TRIB1: variants seen among roughly 807,000 people sequenced by gnomAD.
TRIB1 encodes the protein tribbles pseudokinase 1, also known as tribbles homolog 1.
TRIB1 carries 12 observed loss-of-function variants against 27.8 expected under a neutral mutation model. The ratio of observed to expected loss-of-function variants is 0.43; its 90% CI spans 0.28 to 0.70. The LOEUF is 0.70. Ranked by LOEUF, TRIB1 falls within the 30% of genes least tolerant of loss-of-function variation. The pLI, the probability that TRIB1 is intolerant of heterozygous loss-of-function variation, is 0.18. For missense variants in TRIB1, 475 were observed against 515.8 expected, an observed-to-expected ratio of 0.92 and a Z score of 0.77; for synonymous variants, 230 against 224.9, an observed-to-expected ratio of 1.02 and a Z score of -0.20.
rs1814758108 is a variant in TRIB1, at chr8:125,436,708, ATC to A, written c.*241_*242del. 1.7e-6 allele frequency: 1 copy of A among 574,382 alleles called. No homozygotes were observed. Among genetic ancestry groups the A allele is most frequent in the Admixed American group, 3.1e-5 (1 of 31,898 alleles). 35.6% of individuals were successfully genotyped at this position (574,382 alleles called of 1,614,324 possible). ...TTCCCTTAAGGAACCCTCACCAACT[ATC>A]TCTGCTGGATTTGGGAGTTCCGCAT... On this transcript the variant is annotated 3_prime_UTR_variant, in exon 3 of 3. Transcript: ENST00000311922.
At position 125,430,376 on chromosome 8, in the gene TRIB1, TCTCTCTGAGCGCGTCTCGCTCG is replaced by T. The variant is rs1253372638; in HGVS notation, c.-521_-500del. 1.3e-5 allele frequency: 2 copies of T among 152,582 alleles called. No homozygotes were observed. Among genetic ancestry groups the T allele is most frequent in the East Asian group, 3.8e-4 (2 of 5,202 alleles). 9.5% of individuals were successfully genotyped at this position (152,582 alleles called of 1,614,324 possible). ...AGCGCTCACACTCACTCACAGTCACTCTCTCTGAGCGCGTCTCGCTCGCTCTCATACACGCCCGGAGCCCAGG... is the reference window on the plus strand; with the variant it reads ...AGCGCTCACACTCACTCACAGTCACTCTCTCATACACGCCCGGAGCCCAGG... On this transcript the variant is annotated 5_prime_UTR_variant, in exon 1 of 3. Transcript: ENST00000311922.
At position 125,437,160 on chromosome 8, in the gene TRIB1, C is replaced by T. The variant is rs1185226641; in HGVS notation, c.*689C>T. 1 of 152,452 alleles carries T rather than the reference C, an allele frequency of 6.6e-6. No homozygotes were observed. 9.4% of individuals were successfully genotyped at this position (152,452 alleles called of 1,614,324 possible). A position where few individuals can be genotyped will look rare whatever the true frequency, so the allele number is the denominator to read the frequency against. On this transcript the variant is annotated 3_prime_UTR_variant, in exon 3 of 3. Coordinates refer to ENST00000311922, the MANE Select transcript of TRIB1 (RefSeq NM_025195.4). ...CCCCTTTAGCTATAAAAGCACTTAC[C>T]AGCCGAACGTGGAACAGTATCACAA... is the stretch of plus-strand genomic sequence containing the variant.
Position 125,430,618 on chromosome 8 carries a change from A to C in TRIB1, c.-285A>C. The C allele has an allele frequency of 3.0e-6, 1 of 331,098 alleles. No homozygotes were observed. 20.5% of individuals were successfully genotyped at this position (331,098 alleles called of 1,614,324 possible). On this transcript the variant is annotated 5_prime_UTR_variant, in exon 1 of 3. Coordinates refer to ENST00000311922, the MANE Select transcript of TRIB1 (RefSeq NM_025195.4). ...GACTATCGGCAGCCTCGGCAACAAT[A>C]GTGGCGGCCGCCCCCAGCGAGGCTC... is the stretch of plus-strand genomic sequence containing the variant.
At position 125,430,817 on chromosome 8, in the gene TRIB1, G is replaced by C; in HGVS notation, c.-86G>C. 1 of 1,333,520 alleles carries C rather than the reference G, an allele frequency of 7.5e-7. No individual in the cohort carries two copies. Among genetic ancestry groups the C allele is most frequent in the Non-Finnish European group, 9.6e-7 (1 of 1,044,628 alleles). 82.6% of individuals were successfully genotyped at this position (1,333,520 alleles called of 1,614,324 possible). ...AACTCCATCCCGCCGGCTGGAAGAAGTCGCGGAGCCGGCACCAAACCCGCA... is the reference window on the plus strand; with the variant it reads ...AACTCCATCCCGCCGGCTGGAAGAACTCGCGGAGCCGGCACCAAACCCGCA... On this transcript the variant is annotated 5_prime_UTR_variant, in exon 1 of 3. Coordinates refer to ENST00000311922, the MANE Select transcript of TRIB1 (RefSeq NM_025195.4).
intron 1 of TRIB1, among the ~76,000 whole-genome samples, chr8:125,431,806 C>T (rs1814661695): frequency 6.6e-6 from 1 of 152,234 alleles, no homozygotes; most frequent in Non-Finnish European, 1.5e-5. Flanking sequence ...AACACGCCCT[C>T]CCAAGGGAGC....
intron 2 of TRIB1, among the ~76,000 whole-genome samples, chr8:125,434,711 C>A (rs993342783): frequency 2.0e-5 from 3 of 152,078 alleles, no homozygotes; most frequent in African/African-American, 7.2e-5. Context: ...TTTGGCAACC[C>A]GGGGGTTAAG....
chr8:125,431,877 C>T lies in TRIB1; in HGVS notation c.360+615C>T, dbSNP rs1814662522. On this transcript the variant is annotated intron_variant, in intron 1 of 2. Transcript: ENST00000311922. The stretch of plus-strand genomic sequence containing the variant: ...GCTCGGAGTAGAAATGTTGAAAAGC[C>T]CACACCGGCCAGGAACCCTCGCTTC... Among the ~76,000 whole-genome samples, 3 of 152,206 alleles carry T rather than the reference C, an allele frequency of 2.0e-5. No homozygotes were observed. In the South Asian group the frequency reaches 6.2e-4, roughly 32 times the overall value.
rs72647343 is a variant in TRIB1 at position 125,435,902 on chromosome 8, C to T, written c.654-104C>T. Reference sequence around the variant, plus strand: ...ACTGGACGAAGGGGTAAATAGCATTCCTGGAGCCTTTGCTGTTAGTGCCTG... The same window carrying T: ...ACTGGACGAAGGGGTAAATAGCATTTCTGGAGCCTTTGCTGTTAGTGCCTG... On this transcript the variant is annotated intron_variant, in intron 2 of 2. Coordinates refer to ENST00000311922, the MANE Select transcript of TRIB1 (RefSeq NM_025195.4). The T allele has an allele frequency of 2.5e-3, 2,436 of 959,118 alleles. 6 individuals carry two copies. The highest frequency in any genetic ancestry group is 3.4e-3 in the Non-Finnish European group (2,184 of 645,172). 59.4% of individuals were successfully genotyped at this position (959,118 alleles called of 1,614,324 possible).
chr8:125,433,005 G>C lies in TRIB1; in HGVS notation c.361-312G>C. On this transcript the variant is annotated intron_variant, in intron 1 of 2. Transcript: ENST00000311922. The surrounding 1 kb of genome is among the most constrained non-coding windows in gnomAD (Gnocchi z 4.4). ...CAGGAAAGGGCCACAGAGGGTGGGGGGTTTGCTTAGCTCTCAGGAGCTGAC... is the reference window on the plus strand; with the variant it reads ...CAGGAAAGGGCCACAGAGGGTGGGGCGTTTGCTTAGCTCTCAGGAGCTGAC... 3.3e-6 allele frequency: 1 copy of C among 299,406 alleles called. No homozygotes were observed. Among genetic ancestry groups the C allele is most frequent in the Middle Eastern group, 1.0e-3 (1 of 964 alleles). The allele number at this position is 299,406 out of a possible 1,614,324, so 18.5% of individuals were successfully genotyped here. A position where few individuals can be genotyped will look rare whatever the true frequency, so the allele number is the denominator to read the frequency against.
rs989038821 is a variant in TRIB1 at position 125,431,352 on chromosome 8, G to A, written c.360+90G>A. The A allele has an allele frequency of 2.1e-5, 26 of 1,219,440 alleles. No homozygotes were observed. The Admixed American group carries it at 5.9e-4, about 28-fold the overall frequency. 75.5% of individuals were successfully genotyped at this position (1,219,440 alleles called of 1,614,324 possible). On this transcript the variant is annotated intron_variant, in intron 1 of 2. Transcript: ENST00000311922. The stretch of plus-strand genomic sequence containing the variant: ...TGCTTGGGGTCCGGCCAACGCTTGG[G>A]CTGGGCACAGGGCGGATCAGTAGAT...
At position 125,433,086 on chromosome 8, in the gene TRIB1, G is replaced by T. The variant is rs1036526793; in HGVS notation, c.361-231G>T. On this transcript the variant is annotated intron_variant, in intron 1 of 2. Coordinates refer to ENST00000311922, the MANE Select transcript of TRIB1 (RefSeq NM_025195.4). This position sits in a 1 kb window ranked among gnomAD's most constrained non-coding sequence, Gnocchi z 4.4. ...CTTTCAAATCATCTGTGTGAAAGCG[G>T]GTAACCCTTTGGGTATTTGCAAGTC... 3 of 540,856 alleles carry T rather than the reference G, an allele frequency of 5.5e-6. No individual in the cohort carries two copies. Among genetic ancestry groups the T allele is most frequent in the African/African-American group, 1.9e-5 (1 of 53,202 alleles). The allele number at this position is 540,856 out of a possible 1,614,324, so 33.5% of individuals were successfully genotyped here.
intron 1 of TRIB1, 41 bp downstream of exon 1, chr8:125,431,303 G>C: frequency 8.0e-7 from 1 of 1,253,896 alleles, no homozygotes. Flanking sequence ...GGTCGGGGGC[G>C]CGGGACGGGG....
At position 125,431,153 on chromosome 8, in the gene TRIB1, G is replaced by A. The variant is rs765931219; in HGVS notation, c.251G>A (p.Ser84Asn). Residue 84 changes from serine to asparagine, a missense_variant, in exon 1 of 3, where the codon AGC becomes AAC. By Grantham distance (46) the Ser-to-Asn change is conservative (BLOSUM62 1). Transcript: ENST00000311922. ...CCGGGGGCCGGCGGAGGCTCCGGGAGCGCGCCGGGGCCCAGCCGCATCGCC... is the reference window on the plus strand; with the variant it reads ...CCGGGGGCCGGCGGAGGCTCCGGGAACGCGCCGGGGCCCAGCCGCATCGCC... Reference protein sequence around the residue: ...AAPGAGGGSGSAPGPSRIADY... With the variant: ...AAPGAGGGSGNAPGPSRIADY... 1 of 1,308,842 alleles carries A rather than the reference G, an allele frequency of 7.6e-7. No individual in the cohort carries two copies. The highest frequency in any genetic ancestry group is 2.4e-5 in the South Asian group (1 of 42,068). 81.1% of individuals were successfully genotyped at this position (1,308,842 alleles called of 1,614,324 possible).
At chr8:125,434,315 A>G (rs1460238123) in intron 2 of TRIB1, among the ~76,000 whole-genome samples, 2 of 152,228 alleles carry the variant, frequency 1.3e-5, no homozygotes, top group African/African-American at 4.8e-5. Flanking sequence ...GCCGCATGAG[A>G]TAGACCACAC....
rs1814758768 is a variant in TRIB1 at position 125,436,749 on chromosome 8, C to T, written c.*278C>T. 1.9e-6 allele frequency: 1 copy of T among 518,102 alleles called. No individual in the cohort carries two copies. Among genetic ancestry groups the T allele is most frequent in the African/African-American group, 1.9e-5 (1 of 52,516 alleles). 32.1% of individuals were successfully genotyped at this position (518,102 alleles called of 1,614,324 possible). On this transcript the variant is annotated 3_prime_UTR_variant, in exon 3 of 3. Transcript: ENST00000311922. Reference sequence around the variant, plus strand: ...GGAGTTCCGCATCTTTTGTGGAGGGCAGAGTATGGACATCTTACACCCGGT... The same window carrying T: ...GGAGTTCCGCATCTTTTGTGGAGGGTAGAGTATGGACATCTTACACCCGGT...
In TRIB1 at chr8:125,436,473, C is replaced by T; in HGVS notation, c.*2C>T. The T allele has an allele frequency of 6.2e-7, 1 of 1,611,902 alleles. No individual in the cohort carries two copies. Among genetic ancestry groups the T allele is most frequent in the Middle Eastern group, 1.7e-4 (1 of 6,054 alleles). Reference sequence around the variant, plus strand: ...GACATTAGTTCCTTCTTCTGCTAATCCCCAAAACCTCAGAAACCTCATAAT... The same window carrying T: ...GACATTAGTTCCTTCTTCTGCTAATTCCCAAAACCTCAGAAACCTCATAAT... On this transcript the variant is annotated 3_prime_UTR_variant, in exon 3 of 3. Transcript: ENST00000311922.
rs553785872 is a variant in TRIB1, at chr8:125,433,294, A to ATGGG, written c.361-23_361-22insTGGG. 1.9e-4 allele frequency: 306 copies of ATGGG among 1,600,826 alleles called. No homozygotes were observed. In the African/African-American group the frequency reaches 3.6e-3, roughly 19 times the overall value. ...TGCCTTTGCTTTTCTAGCCCCCTAA[A>ATGGG]CGGGCCCCCCTTCTCTCTACAGGTG... On this transcript the variant is annotated intron_variant, in intron 1 of 2. Transcript: ENST00000311922. The surrounding 1 kb of genome is among the most constrained non-coding windows in gnomAD (Gnocchi z 4.4).
rs1167256407 is a variant in TRIB1, at chr8:125,437,335, CAG to C, written c.*865_*866del. 5.9e-5 allele frequency: 9 copies of C among 152,366 alleles called. No individual in the cohort carries two copies. The highest frequency in any genetic ancestry group is 1.2e-4 in the Non-Finnish European group (8 of 68,054). The allele number at this position is 152,366 out of a possible 1,614,324, so 9.4% of individuals were successfully genotyped here. On this transcript the variant is annotated 3_prime_UTR_variant, in exon 3 of 3. Transcript: ENST00000311922. ...CTTTACTTTTTCCCCAAGACCATCT[CAG>C]GGTGGAGCATTCTGTCTAAGAGAAG... is the stretch of plus-strand genomic sequence containing the variant.
In TRIB1 at chr8:125,437,951, A is replaced by G. The variant is rs1015943197; in HGVS notation, c.*1480A>G. On this transcript the variant is annotated 3_prime_UTR_variant, in exon 3 of 3. Coordinates refer to ENST00000311922, the MANE Select transcript of TRIB1 (RefSeq NM_025195.4). The stretch of plus-strand genomic sequence containing the variant: ...GCAGTCATCTTTAAGGGCTATGCCT[A>G]GGCAAACTACTAACATGCATTGTGA... The G allele has an allele frequency of 3.9e-5, 6 of 152,842 alleles. No homozygotes were observed. The highest frequency in any genetic ancestry group is 1.4e-4 in the African/African-American group (6 of 41,470). The allele number at this position is 152,842 out of a possible 1,614,324, so 9.5% of individuals were successfully genotyped here.
Sources: gnomAD v4.1 joint callset for allele counts (sites outside exome capture counted in the v4.1 genomes callset) on GRCh38, gnomAD v4.1.1 for gene constraint, Gnocchi (gnomAD v3.1) non-coding constraint, MANE v1.5 for transcripts, NCBI Gene and HGNC (gene_info 2026-07-23, HGNC 2026-07-21) for gene names.